Variants in ARHGAP24 observed in about 807,000 individuals in gnomAD.
ARHGAP24 encodes the protein rho GTPase-activating protein 24.
A neutral mutation model predicts 76.4 loss-of-function variants in ARHGAP24; 50 were observed. The observed-to-expected ratio is 0.65, with a 90% CI of 0.52 to 0.83. ARHGAP24 has a LOEUF of 0.83. Among genes scored for constraint, ARHGAP24 ranks in the 40% least tolerant of loss-of-function variants. ARHGAP24 has a pLI of 0.00. For missense variants in ARHGAP24, 930 were observed against 914.2 expected (o/e 1.02, Z -0.22); for synonymous variants, 345 against 323.3 (o/e 1.07, Z -0.72).
chr4:85,585,114 A>G (rs1727793740), intron 2 of ARHGAP24, among the ~76,000 whole-genome samples: 2 of 152,216 alleles, frequency 1.3e-5, no homozygotes, highest in Non-Finnish European at 2.9e-5. Flanking sequence ...GGTGGTTCCC[A>G]CTTTTAGTTG....
Position 85,591,544 on chromosome 4 carries a change from G to T in ARHGAP24, c.180+20823G>T, listed in dbSNP as rs546395667. Among the ~76,000 whole-genome samples, 5 of 152,268 alleles carry T rather than the reference G, an allele frequency of 3.3e-5. No homozygotes were observed. The East Asian group carries it at 9.7e-4, about 29-fold the overall frequency. ...TCAACTCTAATGTCAACATACTCTTGTGTCAGACTTAGTCATTAGTTACAA... is the reference window on the plus strand; with the variant it reads ...TCAACTCTAATGTCAACATACTCTTTTGTCAGACTTAGTCATTAGTTACAA... On this transcript the variant is annotated intron_variant, in intron 2 of 9. Transcript: ENST00000395184.
At chr4:85,990,151 C>T (rs549828903) in intron 8 of ARHGAP24, 1 of 151,778 alleles carries the variant, frequency 6.6e-6, no homozygotes, top group Non-Finnish European at 1.5e-5. Context: ...CTACATACTA[C>T]ATTGGACAAT....
intron 2 of ARHGAP24, among the ~76,000 whole-genome samples, chr4:85,675,847 G>GT (rs1722963268): frequency 6.6e-6 from 1 of 152,154 alleles, no homozygotes; most frequent in Non-Finnish European, 1.5e-5. Context: ...TCATCAGGCA[G>GT]GATGGTTAGA....
intron 3 of ARHGAP24, among the ~76,000 whole-genome samples, chr4:85,729,500 C>T (rs918813703): frequency 2.6e-5 from 4 of 152,152 alleles, no homozygotes; most frequent in Non-Finnish European, 4.4e-5. Flanking sequence ...GGGGCATTTA[C>T]GAACTGATGG....
intron 1 of ARHGAP24, among the ~76,000 whole-genome samples, chr4:85,492,176 G>C (rs1723384383): frequency 1.3e-5 from 2 of 150,798 alleles, no homozygotes; most frequent in African/African-American, 2.5e-5. Context: ...TTTCCTCTAA[G>C]GACCAAACTT....
intron 9 of ARHGAP24, among the ~76,000 whole-genome samples, chr4:85,996,707 A>G (rs1282687788): frequency 3.3e-5 from 5 of 152,194 alleles, no homozygotes; most frequent in African/African-American, 1.2e-4. Flanking sequence ...ATTTTTCTAT[A>G]TAATGGAGAG....
intron 3 of ARHGAP24, among the ~76,000 whole-genome samples, chr4:85,874,800 TATAAA>T (rs1466001257): frequency 0.049 from 1,264 of 25,946 alleles, 53 homozygotes; most frequent in African/African-American, 0.12. Context: ...ATAATTTATA[TATAAA>T]ATATATTTAT....
chr4:85,641,486 G>C (rs1721519509), intron 2 of ARHGAP24, among the ~76,000 whole-genome samples: 1 of 152,140 alleles, frequency 6.6e-6, no homozygotes, highest in Admixed American at 6.5e-5. Context: ...GGGAAAATCT[G>C]TTCCACACCT....
chr4:85,591,030 G>GTTTTTTTT lies in ARHGAP24; in HGVS notation c.180+20309_180+20310insTTTTTTTT, dbSNP rs1560544158. On this transcript the variant is annotated intron_variant, in intron 2 of 9. Transcript: ENST00000395184. ...CAGCACTAACCTGTAAAATCTGCTGGGTTTTTTTTTTTTTTTTTTTTTTTT... is the reference window on the plus strand; with the variant it reads ...CAGCACTAACCTGTAAAATCTGCTGGTTTTTTTTGTTTTTTTTTTTTTTTTTTTTTTTT... 1.7e-4 allele frequency among the ~76,000 whole-genome samples: 21 copies of GTTTTTTTT among 121,876 alleles called. 1 individual carries two copies. Among genetic ancestry groups the GTTTTTTTT allele is most frequent in the African/African-American group, 6.3e-4 (20 of 31,666 alleles). 80.0% of individuals were successfully genotyped at this position (121,876 alleles called of 152,430 possible). A position where few individuals can be genotyped will look rare whatever the true frequency, so the allele number is the denominator to read the frequency against.
At chr4:85,924,244 G>A (rs1318015578) in intron 4 of ARHGAP24, among the ~76,000 whole-genome samples, 2 of 152,164 alleles carry the variant, frequency 1.3e-5, no homozygotes, top group Admixed American at 6.6e-5. Flanking sequence ...GATCAGTTAA[G>A]TGTTGGTAAA....
chr4:85,801,189 G>A (rs1400742611), intron 3 of ARHGAP24, among the ~76,000 whole-genome samples: 3 of 152,014 alleles, frequency 2.0e-5, no homozygotes, highest in African/African-American at 4.8e-5. Context: ...ATAATTAGGT[G>A]ATAAATTTGC....
intron 2 of ARHGAP24, among the ~76,000 whole-genome samples, chr4:85,676,128 G>A (rs1171605705): frequency 6.6e-6 from 1 of 152,142 alleles, no homozygotes; most frequent in Non-Finnish European, 1.5e-5. Context: ...TATCATAGCA[G>A]CCTTGAACAG....
intron 2 of ARHGAP24, among the ~76,000 whole-genome samples, chr4:85,658,424 G>C (rs1232341834): frequency 2.6e-5 from 4 of 152,042 alleles, no homozygotes; most frequent in Non-Finnish European, 5.9e-5. Context: ...AATTGCTCTA[G>C]TAAAAAGTGC....
chr4:85,994,057 T>C (rs2575680), intron 8 of ARHGAP24, among the ~76,000 whole-genome samples: 98,076 of 151,958 alleles, frequency 0.65, 31,830 homozygotes, highest in South Asian at 0.68. Context: ...TATCTTGATA[T>C]ATTAGAGAAA....
chr4:85,700,105 T>C lies in ARHGAP24; in HGVS notation c.181-21780T>C, dbSNP rs1305094279. On this transcript the variant is annotated intron_variant, in intron 2 of 9. Transcript: ENST00000395184. ...GTGACCAGTACATCTGTTTTGAAGA[T>C]AGAGCTGAGCCGGGCATGGTGCCTC... is the stretch of plus-strand genomic sequence containing the variant. 2.0e-5 allele frequency among the ~76,000 whole-genome samples: 3 copies of C among 152,116 alleles called. No homozygotes were observed. In the East Asian group the frequency reaches 5.8e-4, roughly 29 times the overall value.
At chr4:85,894,702 G>A (rs1488637884) in intron 3 of ARHGAP24, among the ~76,000 whole-genome samples, 3 of 152,076 alleles carry the variant, frequency 2.0e-5, no homozygotes, top group Non-Finnish European at 2.9e-5. Flanking sequence ...GCTCATGCCT[G>A]CAATCCCAGC....
chr4:85,725,373 G>A (rs1725130551), intron 3 of ARHGAP24, among the ~76,000 whole-genome samples: 1 of 152,180 alleles, frequency 6.6e-6, no homozygotes, highest in Non-Finnish European at 1.5e-5. Flanking sequence ...CCCCCACTCT[G>A]CTATGTTGAA....
chr4:85,564,488 A>G (rs184340707), intron 1 of ARHGAP24, among the ~76,000 whole-genome samples: 2 of 151,832 alleles, frequency 1.3e-5, no homozygotes, highest in African/African-American at 4.8e-5. Flanking sequence ...ACATGTATAC[A>G]TATGTAACAA....
At position 85,972,074 on chromosome 4, in the gene ARHGAP24, T is replaced by G; in HGVS notation, c.638T>G (p.Leu213Arg). The change falls in exon 6 of 10, where the codon CTG becomes CGG. Residue 213 changes from leucine to arginine, a missense_variant. Leu to Arg is a moderately radical substitution (Grantham distance 102). Coordinates refer to ENST00000395184, the MANE Select transcript of ARHGAP24 (RefSeq NM_001025616.3). The stretch of plus-strand genomic sequence containing the variant: ...CACACGGTGGCATCACTTCTTAAGC[T>G]GTACCTCCGAGAACTTCCAGAACCA... ...DVHTVASLLK[L>R]YLRELPEPVI... 2 of 1,614,078 alleles carry G rather than the reference T, an allele frequency of 1.2e-6. No individual in the cohort carries two copies. The highest frequency in any genetic ancestry group is 1.7e-6 in the Non-Finnish European group (2 of 1,179,982).
Sources: allele counts gnomAD v4.1 joint callset (sites outside exome capture counted in the v4.1 genomes callset), GRCh38; gene constraint gnomAD v4.1.1; transcripts MANE v1.5; gene names NCBI Gene and HGNC (gene_info 2026-07-23, HGNC 2026-07-21).